Variants in KDM2A observed in about 807,000 individuals in gnomAD.
KDM2A encodes the protein lysine-specific demethylase 2A.
KDM2A carries 3 observed loss-of-function variants against 137.3 expected under a neutral mutation model. The observed-to-expected ratio is 0.02, with a 90% confidence interval of 0.01 to 0.06. The LOEUF (loss-of-function observed/expected upper bound fraction) is 0.06. KDM2A is among the 10% of genes least tolerant of loss of function. The pLI is 1.00. For synonymous variants in KDM2A, 512 were observed against 541.5 expected (o/e 0.95, Z 0.76); for missense variants, 738 against 1,510.6 (o/e 0.49, Z 8.48).
intron 2 of KDM2A, among the ~76,000 whole-genome samples, chr11:67,153,057 T>C (rs796610346): frequency 2.0e-5 from 3 of 151,916 alleles, no homozygotes; most frequent in South Asian, 4.2e-4. Context: ...CGATCTCAGC[T>C]CACTGCAACG....
chr11:67,230,017 A>G (rs1399265701), intron 11 of KDM2A, among the ~76,000 whole-genome samples: 8 of 152,246 alleles, frequency 5.3e-5, no homozygotes, highest in African/African-American at 1.9e-4. Flanking sequence ...TCTACTAAAA[A>G]TACAAAAAAT....
At chr11:67,224,369 A>G (rs1232781486) in intron 10 of KDM2A, among the ~76,000 whole-genome samples, 2 of 150,872 alleles carry the variant, frequency 1.3e-5, no homozygotes, top group Non-Finnish European at 1.5e-5. Context: ...ACTTTTTGGG[A>G]GTTTGAAGCG....
chr11:67,141,067 C>G (rs1473853808), intron 2 of KDM2A, among the ~76,000 whole-genome samples: 1 of 152,092 alleles, frequency 6.6e-6, no homozygotes, highest in African/African-American at 2.4e-5. Context: ...CTCAGTTTAT[C>G]CCCCTCTCTT....
At chr11:67,151,132 A>G (rs1856376252) in intron 2 of KDM2A, among the ~76,000 whole-genome samples, 3 of 151,914 alleles carry the variant, frequency 2.0e-5, no homozygotes, top group Admixed American at 2.0e-4. Context: ...AAAATACAGA[A>G]CTGTTTCAGC....
chr11:67,248,383 T>C lies in KDM2A; in HGVS notation c.2055+13T>C, dbSNP rs772315732. On this transcript the variant is annotated intron_variant, in intron 16 of 20. Coordinates refer to ENST00000529006, the MANE Select transcript of KDM2A (RefSeq NM_012308.3). ...GGAGAAAGCCCAGGTAAAGGAACCT[T>C]ATCAGATTTGCACTGTGACAGAAAG... 4 of 1,576,198 alleles carry C rather than the reference T, an allele frequency of 2.5e-6. No individual in the cohort carries two copies. The highest frequency in any genetic ancestry group is 3.5e-6 in the Non-Finnish European group (4 of 1,155,854).
At chr11:67,176,013 T>TAA (rs1856967291) in intron 2 of KDM2A, among the ~76,000 whole-genome samples, 1 of 152,156 alleles carries the variant, frequency 6.6e-6, no homozygotes, top group Admixed American at 6.5e-5. Flanking sequence ...AAAAGATACC[T>TAA]AAAAATACTT....
intron 2 of KDM2A, among the ~76,000 whole-genome samples, chr11:67,167,470 T>C (rs182365510): frequency 7.4e-4 from 113 of 152,318 alleles, no homozygotes; most frequent in African/African-American, 2.7e-3. Flanking sequence ...CCCGACTCTT[T>C]TAGGATCATT....
At chr11:67,193,743 C>T (rs768595895) in intron 5 of KDM2A, among the ~76,000 whole-genome samples, 4 of 152,166 alleles carry the variant, frequency 2.6e-5, no homozygotes, top group Non-Finnish European at 5.9e-5. Context: ...CGCCTCTACT[C>T]CCAACTACTT....
intron 2 of KDM2A, among the ~76,000 whole-genome samples, chr11:67,138,228 A>G (rs568698728): frequency 4.3e-4 from 66 of 152,326 alleles, no homozygotes; most frequent in African/African-American, 1.4e-3. Context: ...AAGTCAAGGA[A>G]TATGCTTTAT....
chr11:67,255,151 C>T lies in KDM2A; in HGVS notation c.*96C>T, dbSNP rs1353491878. 7 of 1,057,634 alleles carry T rather than the reference C, an allele frequency of 6.6e-6. No homozygotes were observed. In the East Asian group the frequency reaches 7.8e-5, roughly 12 times the overall value. 65.5% of individuals were successfully genotyped at this position (1,057,634 alleles called of 1,614,324 possible). On this transcript the variant is annotated 3_prime_UTR_variant, in exon 21 of 21. Transcript: ENST00000529006. The stretch of plus-strand genomic sequence containing the variant: ...GACCCTGCACGGGCTCTGAGGCCAG[C>T]GTCACACTCCCTCTCTGCTCTCCTG...
intron 2 of KDM2A, among the ~76,000 whole-genome samples, chr11:67,140,906 T>C (rs1856084809): frequency 6.6e-6 from 1 of 152,170 alleles, no homozygotes; most frequent in African/African-American, 2.4e-5. Context: ...CACCATAGAT[T>C]TGGATCACTT....
chr11:67,246,857 AT>A (rs1859231179), intron 15 of KDM2A, among the ~76,000 whole-genome samples: 1 of 151,578 alleles, frequency 6.6e-6, no homozygotes, highest in African/African-American at 2.4e-5. Flanking sequence ...TGAATACTAT[AT>A]AGTAGCAAAT....
intron 10 of KDM2A, among the ~76,000 whole-genome samples, chr11:67,226,050 A>C (rs1590805052): frequency 6.6e-6 from 1 of 150,934 alleles, no homozygotes; most frequent in Non-Finnish European, 1.5e-5. Flanking sequence ...GGGCAACAAG[A>C]ACAAAACTGT....
In KDM2A at chr11:67,218,371, G is replaced by A. The variant is rs537429598; in HGVS notation, c.841+487G>A. ...TATGCATTTACCTGCTAGATACTACGCTTAGAGCAAATATTTAAATCTGTG... is the reference window on the plus strand; with the variant it reads ...TATGCATTTACCTGCTAGATACTACACTTAGAGCAAATATTTAAATCTGTG... On this transcript the variant is annotated intron_variant, in intron 9 of 20. Coordinates refer to ENST00000529006, the MANE Select transcript of KDM2A (RefSeq NM_012308.3). Among the ~76,000 whole-genome samples, 21 of 152,226 alleles carry A rather than the reference G, an allele frequency of 1.4e-4. 1 individual carries two copies. Among genetic ancestry groups the A allele is most frequent in the Non-Finnish European group, 2.5e-4 (17 of 68,016 alleles).
Position 67,255,171 on chromosome 11 carries a change from C to A in KDM2A, c.*116C>A. ...GCCAGCGTCACACTCCCTCTCTGCT[C>A]TCCTGTCCCTTGAGCCCTTCCTCTA... On this transcript the variant is annotated 3_prime_UTR_variant, in exon 21 of 21. Coordinates refer to ENST00000529006, the MANE Select transcript of KDM2A (RefSeq NM_012308.3). The A allele has an allele frequency of 1.1e-6, 1 of 899,910 alleles. No homozygotes were observed. 55.7% of individuals were successfully genotyped at this position (899,910 alleles called of 1,614,324 possible). A position where few individuals can be genotyped will look rare whatever the true frequency, so the allele number is the denominator to read the frequency against.
intron 2 of KDM2A, among the ~76,000 whole-genome samples, chr11:67,143,653 G>C (rs1856175296): frequency 6.6e-6 from 1 of 151,124 alleles, no homozygotes; most frequent in Non-Finnish European, 1.5e-5. Flanking sequence ...ATTTTTTTGA[G>C]ATAGGGTCTC....
At chr11:67,140,130 G>T (rs1226625420) in intron 2 of KDM2A, among the ~76,000 whole-genome samples, 1 of 152,058 alleles carries the variant, frequency 6.6e-6, no homozygotes, top group Non-Finnish European at 1.5e-5. Context: ...GGAGGCTAAG[G>T]CAGGAGGAGT....
At position 67,254,214 on chromosome 11, in the gene KDM2A, C is replaced by T. The variant is rs1156895937; in HGVS notation, c.3103C>T (p.Arg1035Cys). The T allele has an allele frequency of 3.1e-6, 5 of 1,613,592 alleles. No individual in the cohort carries two copies. The African/African-American group carries it at 4.0e-5, about 13-fold the overall frequency. The change falls in exon 20 of 21, where the codon CGC (arginine) becomes TGC (cysteine). Residue 1035 changes from arginine to cysteine, a missense_variant. Physicochemically the swap from Arg to Cys is radical, Grantham distance 180. Transcript: ENST00000529006. The surrounding 1 kb of genome is among the most constrained non-coding windows in gnomAD (Gnocchi z 4.7). ...TCTTGCCTGTACAGGTCAGGACAAT[C>T]GCAGCAAGCTCCGGAACATGACCGA... ...PPADKPGQDN[R>C]SKLRNMTDFR...
intron 2 of KDM2A, among the ~76,000 whole-genome samples, chr11:67,172,901 T>A (rs935641285): frequency 6.6e-6 from 1 of 152,144 alleles, no homozygotes; most frequent in Non-Finnish European, 1.5e-5. Context: ...CTCTTTTTTT[T>A]ATTTTTGAGG....
Sources: allele counts gnomAD v4.1 joint callset (sites outside exome capture counted in the v4.1 genomes callset), GRCh38; gene constraint gnomAD v4.1.1; non-coding constraint Gnocchi (gnomAD v3.1); transcripts MANE v1.5; gene names NCBI Gene and HGNC (gene_info 2026-07-23, HGNC 2026-07-21).